RUSC2: variants seen among roughly 807,000 people sequenced by gnomAD.
RUSC2 encodes AP-4 complex accessory subunit RUSC2.
In RUSC2, 34 loss-of-function variants were observed where a neutral mutation model predicts 122.2. That is an observed-to-expected ratio of 0.28 (90% CI 0.21 to 0.37). The LOEUF (loss-of-function observed/expected upper bound fraction) is 0.37. RUSC2 is among the 10% of genes least tolerant of loss of function. RUSC2 has a pLI of 1.00. For synonymous variants in RUSC2, 784 were observed against 790.0 expected, an observed-to-expected ratio of 0.99 and a Z score of 0.13; for missense variants, 1,747 against 1,952.4, an observed-to-expected ratio of 0.89 and a Z score of 1.98.
At chr9:35,494,349 CCTGAGGCAGGAGG>C (rs1820630467) in intron 1 of RUSC2, among the ~76,000 whole-genome samples, 1 of 151,938 alleles carries the variant, frequency 6.6e-6, no homozygotes, top group Non-Finnish European at 1.5e-5. Context: ...ACCTATAATC[CCTGAGGCAGGAGG>C]CTGAGGCAGG....
chr9:35,498,594 C>T (rs1298630747), intron 1 of RUSC2, among the ~76,000 whole-genome samples: 2 of 151,438 alleles, frequency 1.3e-5, no homozygotes, highest in Non-Finnish European at 2.9e-5. Context: ...CGCGGTGGCT[C>T]ACGCCTGTGA....
In RUSC2 at chr9:35,547,187, C is replaced by G. The variant is rs771117044; in HGVS notation, c.666C>G (p.Gly222=). Residue 222 remains glycine (G), a synonymous_variant, in exon 2 of 12, where the codon GGC becomes GGG. Transcript: ENST00000361226. The surrounding 1 kb of genome is among the most constrained non-coding windows in gnomAD (Gnocchi z 4.6). ...GSGGGASDTS[G]FSFDQEWKLS... ...GGGGTGGAGCCAGCGATACCTCTGG[C>G]TTTTCCTTTGACCAGGAATGGAAGC... The G allele has an allele frequency of 3.1e-6, 5 of 1,614,176 alleles. No individual in the cohort carries two copies. The highest frequency in any genetic ancestry group is 4.2e-6 in the Non-Finnish European group (5 of 1,180,036).
At chr9:35,544,619 T>C (rs1191706632) in intron 1 of RUSC2, among the ~76,000 whole-genome samples, 1 of 152,170 alleles carries the variant, frequency 6.6e-6, no homozygotes, top group African/African-American at 2.4e-5. Context: ...TATGTCTTTT[T>C]ATTGTTGAGT....
chr9:35,546,872 G>A lies in RUSC2; in HGVS notation c.351G>A (p.Leu117=), dbSNP rs1247116211. 6.9e-6 allele frequency: 11 copies of A among 1,601,938 alleles called. No individual in the cohort carries two copies. Among genetic ancestry groups the A allele is most frequent in the South Asian group, 1.1e-5 (1 of 88,250 alleles). ...TGGGTGAGCCAGGACTTGGTGACCT[G>A]TATGATGACAGCATTGGTGACAGTG... ...EGVGEPGLGD[L]YDDSIGDSAT... is the part of the protein sequence containing the mutation. Residue 117 remains leucine, a synonymous_variant, in exon 2 of 12, where the codon CTG becomes CTA. Transcript: ENST00000361226. This position sits in a 1 kb window ranked among gnomAD's most constrained non-coding sequence, Gnocchi z 4.3.
At chr9:35,554,651 G>A (rs1474653228) in intron 2 of RUSC2, among the ~76,000 whole-genome samples, 1 of 152,218 alleles carries the variant, frequency 6.6e-6, no homozygotes, top group Admixed American at 6.5e-5. Flanking sequence ...CACATTTTAA[G>A]TGAAAGCAGA....
Position 35,558,223 on chromosome 9 carries a change from C to G in RUSC2, c.3087C>G (p.Ser1029Arg). 1 of 1,613,786 alleles carries G rather than the reference C, an allele frequency of 6.2e-7. No individual in the cohort carries two copies. ...CAAAGCTGGGAAACAGTTCTGTGAGCCCCAATGTGGGCCACCTGGTTCTGA... is the reference window on the plus strand; with the variant it reads ...CAAAGCTGGGAAACAGTTCTGTGAGGCCCAATGTGGGCCACCTGGTTCTGA... Reference protein sequence around the residue: ...VKAKLGNSSVSPNVGHLVLKY... With the variant: ...VKAKLGNSSVRPNVGHLVLKY... The change falls in exon 7 of 12, where the codon AGC becomes AGG. Residue 1029 changes from serine (S) to arginine (R), a missense_variant. Physicochemically the swap from Ser to Arg is moderately radical, Grantham distance 110. Coordinates refer to ENST00000361226, the MANE Select transcript of RUSC2 (RefSeq NM_014806.5). This position sits in a 1 kb window ranked among gnomAD's most constrained non-coding sequence, Gnocchi z 4.3.
intron 4 of RUSC2, 85 bp downstream of exon 4, chr9:35,556,222 C>T (rs866895622): frequency 1.9e-5 from 30 of 1,595,798 alleles, no homozygotes; most frequent in African/African-American, 2.7e-5. Flanking sequence ...CCCAAAGGAA[C>T]GTGTCTCAGA....
At chr9:35,532,701 A>T (rs564921454) in intron 1 of RUSC2, among the ~76,000 whole-genome samples, 42 of 152,014 alleles carry the variant, frequency 2.8e-4, no homozygotes, top group African/African-American at 9.4e-4. Context: ...AGCCAAGATC[A>T]GCCACTGCAT....
In RUSC2 at chr9:35,500,083, A is replaced by G. The variant is rs574568343; in HGVS notation, c.-93+9911A>G. 1.1e-4 allele frequency among the ~76,000 whole-genome samples: 16 copies of G among 152,308 alleles called. No homozygotes were observed. In the South Asian group the frequency reaches 3.1e-3, roughly 30 times the overall value. The stretch of plus-strand genomic sequence containing the variant: ...AGTTCCGGATAGCTAGAGTTTTTCT[A>G]TAAGACTAATGATTTCCTTTTAAAC... On this transcript the variant is annotated intron_variant, in intron 1 of 11. Coordinates refer to ENST00000361226, the MANE Select transcript of RUSC2 (RefSeq NM_014806.5).
intron 1 of RUSC2, among the ~76,000 whole-genome samples, chr9:35,493,441 G>A (rs1254202577): frequency 6.6e-6 from 1 of 152,140 alleles, no homozygotes; most frequent in Non-Finnish European, 1.5e-5. Context: ...GCTGCAGTTG[G>A]TTAGCATAAT....
At chr9:35,507,537 T>C in intron 1 of RUSC2, 1 of 193,582 alleles carries the variant, frequency 5.2e-6, no homozygotes, top group Non-Finnish European at 1.1e-5. Flanking sequence ...AAATTCATCA[T>C]TACCAGCTGA....
chr9:35,491,502 T>G (rs1411223150), intron 1 of RUSC2, among the ~76,000 whole-genome samples: 1 of 152,234 alleles, frequency 6.6e-6, no homozygotes, highest in East Asian at 1.9e-4. Flanking sequence ...TGAGCCAGGT[T>G]AGGATCCCTC....
intron 9 of RUSC2, 37 bp from the exon 10 acceptor site, chr9:35,559,992 T>G: frequency 6.6e-7 from 1 of 1,522,534 alleles, no homozygotes; most frequent in Non-Finnish European, 8.9e-7. Context: ...AGGCTCTGGT[T>G]CTCTGTGTGG....
chr9:35,517,292 G>A (rs1821126695), intron 1 of RUSC2, among the ~76,000 whole-genome samples: 1 of 152,212 alleles, frequency 6.6e-6, no homozygotes, highest in Non-Finnish European at 1.5e-5. Flanking sequence ...CAGAGACCTG[G>A]CAAACTAACC....
Position 35,557,816 on chromosome 9 carries a change from G to T in RUSC2, c.2984-98G>T. ...GTGCAGATGTGGAGACGGAGTAAGT[G>T]TGGGAGCCCTTTCCCTGAGGAAACC... is the stretch of plus-strand genomic sequence containing the variant. On this transcript the variant is annotated intron_variant, in intron 5 of 11. Transcript: ENST00000361226. This position sits in a 1 kb window ranked among gnomAD's most constrained non-coding sequence, Gnocchi z 4.6. 1.1e-6 allele frequency: 1 copy of T among 949,678 alleles called. No individual in the cohort carries two copies. 58.8% of individuals were successfully genotyped at this position (949,678 alleles called of 1,614,324 possible). A position where few individuals can be genotyped will look rare whatever the true frequency, so the allele number is the denominator to read the frequency against.
intron 1 of RUSC2, among the ~76,000 whole-genome samples, chr9:35,534,359 G>C (rs1302521399): frequency 1.3e-5 from 2 of 151,404 alleles, no homozygotes; most frequent in Non-Finnish European, 2.9e-5. Context: ...AGGATCACTT[G>C]AGCTCAGGAG....
intron 1 of RUSC2, among the ~76,000 whole-genome samples, chr9:35,531,555 C>T (rs1821418621): frequency 6.6e-6 from 1 of 152,132 alleles, no homozygotes; most frequent in Non-Finnish European, 1.5e-5. Context: ...TTATCTGAGT[C>T]CCAGCTTAGA....
At position 35,558,662 on chromosome 9, in the gene RUSC2, C is replaced by G; in HGVS notation, c.3341+95C>G. 1 of 1,052,968 alleles carries G rather than the reference C, an allele frequency of 9.5e-7. No homozygotes were observed. Among genetic ancestry groups the G allele is most frequent in the Non-Finnish European group, 1.5e-6 (1 of 680,726 alleles). The allele number at this position is 1,052,968 out of a possible 1,614,324, so 65.2% of individuals were successfully genotyped here. A position where few individuals can be genotyped will look rare whatever the true frequency, so the allele number is the denominator to read the frequency against. On this transcript the variant is annotated intron_variant, in intron 8 of 11. Transcript: ENST00000361226. This position sits in a 1 kb window ranked among gnomAD's most constrained non-coding sequence, Gnocchi z 4.3. ...CCAAGGAAACAACGCCCTGGACAGA[C>G]AGAAAGGGTGGATCTGGAGGGTCCC...
rs1162936140 is a variant in RUSC2, at chr9:35,515,948, G to A, written c.-93+25776G>A. ...TGGGAGGCAGAGGTTGTAGTGAGCC[G>A]AGATTGCGCCACCACATTCCAGCCT... On this transcript the variant is annotated intron_variant, in intron 1 of 11. Coordinates refer to ENST00000361226, the MANE Select transcript of RUSC2 (RefSeq NM_014806.5). Among the ~76,000 whole-genome samples, 11 of 129,160 alleles carry A rather than the reference G, an allele frequency of 8.5e-5. No individual in the cohort carries two copies. In the Admixed American group the frequency reaches 9.7e-4, roughly 11 times the overall value. 84.7% of individuals were successfully genotyped at this position (129,160 alleles called of 152,430 possible). A position where few individuals can be genotyped will look rare whatever the true frequency, so the allele number is the denominator to read the frequency against.
Sources: allele counts gnomAD v4.1 joint callset (sites outside exome capture counted in the v4.1 genomes callset), GRCh38; gene constraint gnomAD v4.1.1; non-coding constraint Gnocchi (gnomAD v3.1); transcripts MANE v1.5; gene names NCBI Gene and HGNC (gene_info 2026-07-23, HGNC 2026-07-21).